NPC1: variants seen among roughly 807,000 people sequenced by gnomAD.
NPC1 encodes NPC intracellular cholesterol transporter 1, also known as Niemann-Pick C1 protein.
In NPC1, 85 loss-of-function variants were observed where a neutral mutation model predicts 140.4. The observed-to-expected ratio is 0.61, with a 90% CI of 0.51 to 0.72. The LOEUF (loss-of-function observed/expected upper bound fraction) is 0.72. NPC1 is among the 30% of genes least tolerant of loss of function. NPC1 has a pLI of 0.00. For missense variants in NPC1, 1,504 were observed against 1,623.8 expected, an observed-to-expected ratio of 0.93 and a Z score of 1.27; for synonymous variants, 656 against 624.8, an observed-to-expected ratio of 1.05 and a Z score of -0.74.
At position 23,539,487 on chromosome 18, in the gene NPC1, G is replaced by A. The variant is rs775628217; in HGVS notation, c.2796-17C>T. 2.4e-5 allele frequency: 37 copies of A among 1,552,692 alleles called. No homozygotes were observed. The highest frequency in any genetic ancestry group is 3.3e-5 in the Non-Finnish European group (37 of 1,125,454). On this transcript the variant is annotated splice_polypyrimidine_tract_variant and intron_variant, in intron 18 of 24. Transcript: ENST00000269228. ...ATTCGGGTACTAGAGAGGACAGACA[G>A]GGTTACTGACCTGCTCCACAGGGAG...
chr18:23,515,752 C>A, intron 3 of NPC1: 7 of 1,372,634 alleles, frequency 5.1e-6, no homozygotes, highest in Non-Finnish European at 7.1e-6. Flanking sequence ...AGGCTGGTCT[C>A]GAACTCCTGA....
In NPC1 at chr18:23,574,667, T is replaced by C. The variant is rs539358874; in HGVS notation, c.58-1093A>G. ...GAAATCCAAGGCATCAATATCACTT[T>C]TCTCTGAATTCATTTTTCAGATGTT... On this transcript the variant is annotated intron_variant, in intron 1 of 24. Transcript: ENST00000269228. Among the ~76,000 whole-genome samples the C allele has an allele frequency of 7.0e-4, 106 of 152,164 alleles. 1 individual carries two copies. Among genetic ancestry groups the C allele is most frequent in the South Asian group, 1.7e-3 (8 of 4,826 alleles).
intron 6 of NPC1, among the ~76,000 whole-genome samples, chr18:23,557,607 G>T (rs758251157): frequency 2.0e-5 from 3 of 152,016 alleles, no homozygotes; most frequent in Non-Finnish European, 4.4e-5. Flanking sequence ...ATACAAAAAG[G>T]TTAGCTGGGT....
chr18:23,540,991 G>C, intron 16 of NPC1, 77 bp downstream of exon 16: 1 of 1,503,324 alleles, frequency 6.7e-7, no homozygotes, highest in Non-Finnish European at 9.3e-7. Context: ...TCCTTCCCAG[G>C]CTGTCTGGCT....
chr18:23,556,407 C>T lies in NPC1; in HGVS notation c.1162G>A (p.Ala388Thr). 1.2e-6 allele frequency: 2 copies of T among 1,614,100 alleles called. No homozygotes were observed. The highest frequency in any genetic ancestry group is 3.3e-5 in the Admixed American group (2 of 60,004). ...TCAAAGTACTCTTTTTCCAGGCGAG[C>T]CTGGCTGCTGGGGGCTGACCAGAGG... is the stretch of plus-strand genomic sequence containing the variant. ...VDLWSAPSSQ[A>T]RLEKEYFDQH... is the part of the protein sequence containing the mutation. The change falls in exon 8 of 25, where the codon GCT (alanine) becomes ACT (threonine). Residue 388 changes from alanine to threonine, a missense_variant. By Grantham distance (58) the Ala-to-Thr change is moderately conservative. Coordinates refer to ENST00000269228, the MANE Select transcript of NPC1 (RefSeq NM_000271.5).
chr18:23,544,361 GA>G lies in NPC1; in HGVS notation c.2112del (p.Leu705TrpfsTer24). ...AAGTATACCTGGTAGGCCTGCACCA[GA>G]ATGAAGATGTTGTCCACTCCAACAG... ...VLAVGVDNIF[I>X]LVQAYQRDER... On this transcript the variant is annotated frameshift_variant, in exon 13 of 25. Coordinates refer to ENST00000269228, the MANE Select transcript of NPC1 (RefSeq NM_000271.5). LOFTEE classifies it high-confidence loss of function. The G allele has an allele frequency of 6.2e-7, 1 of 1,614,166 alleles. No homozygotes were observed. Among genetic ancestry groups the G allele is most frequent in the Non-Finnish European group, 8.5e-7 (1 of 1,180,022 alleles).
chr18:23,526,815 T>A, downstream of NPC1: 1 of 1,593,130 alleles, frequency 6.3e-7, no homozygotes, highest in Non-Finnish European at 8.6e-7. Context: ...AGGCCTGTGC[T>A]GCCCAACACT....
intron 1 of NPC1, among the ~76,000 whole-genome samples, chr18:23,576,240 AC>A (rs1441360190): frequency 2.6e-5 from 4 of 151,604 alleles, no homozygotes; most frequent in Admixed American, 6.6e-5. Context: ...AAACAAAAAA[AC>A]AAAACAAACA....
At chr18:23,535,421 C>G (rs1254990504) in intron 22 of NPC1, 48 bp downstream of exon 22, 1 of 1,345,250 alleles carries the variant, frequency 7.4e-7, no homozygotes, top group East Asian at 2.4e-5. Context: ...CCAATTCCCC[C>G]AAGTGAAACA....
intron 11 of NPC1, 67 bp downstream of exon 11, chr18:23,547,939 T>C (rs1265471183): frequency 1.1e-6 from 1 of 935,048 alleles, no homozygotes; most frequent in Non-Finnish European, 1.8e-6. Flanking sequence ...GAAGTTTAAG[T>C]GCTTGCCGCA....
At chr18:23,509,337 C>A (rs533183865) in intron 3 of NPC1, 1 of 767,422 alleles carries the variant, frequency 1.3e-6, no homozygotes. Flanking sequence ...ATTCTGGCAG[C>A]CTTTTGAATT....
At chr18:23,543,103 A>T (rs1358891017) in intron 14 of NPC1, among the ~76,000 whole-genome samples, 1 of 152,158 alleles carries the variant, frequency 6.6e-6, no homozygotes, top group African/African-American at 2.4e-5. Flanking sequence ...CGAGGCAGGT[A>T]CATCACCTGA....
Position 23,551,608 on chromosome 18 carries a change from C to T in NPC1, c.1654+19G>A. On this transcript the variant is annotated intron_variant, in intron 10 of 24. Transcript: ENST00000269228. ...GATGACTTTATCTAAAAGGAAAAGT[C>T]AAAGCTTCTCTTACTTACCATCATA... is the stretch of plus-strand genomic sequence containing the variant. 1.3e-6 allele frequency: 2 copies of T among 1,569,692 alleles called. No individual in the cohort carries two copies. Among genetic ancestry groups the T allele is most frequent in the Non-Finnish European group, 1.8e-6 (2 of 1,139,598 alleles).
intron 12 of NPC1, 80 bp downstream of exon 12, chr18:23,544,880 G>T: frequency 9.5e-7 from 1 of 1,048,434 alleles, no homozygotes; most frequent in Non-Finnish European, 1.5e-6. Flanking sequence ...AATGGAATAA[G>T]AATAAAGAGG....
At chr18:23,562,830 TA>T (rs1170467984) in intron 4 of NPC1, among the ~76,000 whole-genome samples, 1 of 151,534 alleles carries the variant, frequency 6.6e-6, no homozygotes, top group Non-Finnish European at 1.5e-5. Context: ...CTACAAAAAA[TA>T]AAAAAATAAA....
chr18:23,540,430 AAAAG>A lies in NPC1; in HGVS notation c.2604+14_2604+17del, dbSNP rs775803617. 9.3e-5 allele frequency: 139 copies of A among 1,495,776 alleles called. No individual in the cohort carries two copies. Among genetic ancestry groups the A allele is most frequent in the Non-Finnish European group, 1.1e-4 (122 of 1,085,360 alleles). 92.7% of individuals were successfully genotyped at this position (1,495,776 alleles called of 1,614,324 possible). A position where few individuals can be genotyped will look rare whatever the true frequency, so the allele number is the denominator to read the frequency against. ...AGCTAAAGAAGTTAAAAAAAAAAAA[AAAAG>A]GAAGTCATCTTACATCTGGCATCGA... On this transcript the variant is annotated intron_variant, in intron 17 of 24. Coordinates refer to ENST00000269228, the MANE Select transcript of NPC1 (RefSeq NM_000271.5).
chr18:23,583,849 G>T (rs964712864), intron 1 of NPC1, among the ~76,000 whole-genome samples: 3 of 152,156 alleles, frequency 2.0e-5, no homozygotes, highest in Admixed American at 2.0e-4. Context: ...TAAAATTTCT[G>T]ATCACAGCAT....
At chr18:23,506,612 C>T in exon 4 of NPC1, 1 of 241,974 alleles carries the variant, frequency 4.1e-6, no homozygotes, top group Non-Finnish European at 8.1e-6. Context: ...CTGTGAGATG[C>T]ACAAGTAGAT....
intron 24 of NPC1, chr18:23,532,831 A>G (rs575391329): frequency 6.2e-6 from 6 of 967,358 alleles, no homozygotes; most frequent in East Asian, 1.1e-4. Context: ...TGACAAAGCT[A>G]TAAATGAAGC....
Sources: gnomAD v4.1 joint callset for allele counts (sites outside exome capture counted in the v4.1 genomes callset) on GRCh38, gnomAD v4.1.1 for gene constraint, MANE v1.5 for transcripts, NCBI Gene and HGNC (gene_info 2026-07-23, HGNC 2026-07-21) for gene names.